Variants in AFF4 observed in about 807,000 individuals in gnomAD.
The protein encoded by AFF4 is ALF transcription elongation factor 4.
In AFF4, 13 loss-of-function variants were observed where a neutral mutation model predicts 124.8. The ratio of observed to expected loss-of-function variants is 0.10; its 90% CI spans 0.07 to 0.17. AFF4 has a LOEUF of 0.17. Ranked by LOEUF, AFF4 falls within the 10% of genes least tolerant of loss-of-function variation. The probability of loss-of-function intolerance (pLI) is 1.00; values close to 1 mark genes in which losing one functional copy is unlikely to be tolerated. For synonymous variants in AFF4, 477 were observed against 496.1 expected (o/e 0.96, Z 0.51); for missense variants, 1,092 against 1,403.8 (o/e 0.78, Z 3.55).
rs1433125453 is a variant in AFF4 at position 132,880,831 on chromosome 5, C to CA, written c.*227dup. The CA allele has an allele frequency of 2.8e-5, 11 of 386,092 alleles. No individual in the cohort carries two copies. The highest frequency in any genetic ancestry group is 4.5e-5 in the Non-Finnish European group (10 of 222,020). The allele number at this position is 386,092 out of a possible 1,614,324, so 23.9% of individuals were successfully genotyped here. On this transcript the variant is annotated 3_prime_UTR_variant, in exon 21 of 21. Coordinates refer to ENST00000265343, the MANE Select transcript of AFF4 (RefSeq NM_014423.4). ...TCATAGCTCACGGAAACCATCTTAT[C>CA]AATGTGCTGCAGATTTAAAAGCATT... is the stretch of plus-strand genomic sequence containing the variant.
At chr5:132,899,685 C>T (rs754340952) in intron 7 of AFF4, 44 bp from the exon 8 acceptor site, 35 of 1,525,994 alleles carry the variant, frequency 2.3e-5, no homozygotes, top group Non-Finnish European at 3.1e-5. Flanking sequence ...GAACAGTTTA[C>T]ATGGTATGCC....
At chr5:132,926,281 T>C (rs776186389) in intron 5 of AFF4, 4 of 436,430 alleles carry the variant, frequency 9.2e-6, no homozygotes, top group Admixed American at 7.3e-5. Flanking sequence ...TTAGGGGGAC[T>C]GGTAAAACTT....
chr5:132,882,163 T>C (rs1348782124), intron 20 of AFF4, among the ~76,000 whole-genome samples: 1 of 148,350 alleles, frequency 6.7e-6, no homozygotes, highest in Non-Finnish European at 1.5e-5. Context: ...CAGTGAACTG[T>C]GACTGTGCCA....
rs1222482774 is a variant in AFF4 at position 132,876,683 on chromosome 5, CAT to C, written c.*4374_*4375del. On this transcript the variant is annotated 3_prime_UTR_variant, in exon 21 of 21. Transcript: ENST00000265343. Reference sequence around the variant, plus strand: ...GACCAAATTACATGAAAAGAAGATACATAGTTATTATTTCCATTCCCTTTTCT... The same window carrying C: ...GACCAAATTACATGAAAAGAAGATACAGTTATTATTTCCATTCCCTTTTCT... 1 of 197,830 alleles carries C rather than the reference CAT, an allele frequency of 5.1e-6. No individual in the cohort carries two copies. Among genetic ancestry groups the C allele is most frequent in the African/African-American group, 2.3e-5 (1 of 43,320 alleles). The allele number at this position is 197,830 out of a possible 1,614,324, so 12.3% of individuals were successfully genotyped here.
intron 1 of AFF4, among the ~76,000 whole-genome samples, chr5:132,950,476 TAAATA>T: frequency 8.8e-6 from 1 of 113,790 alleles, no homozygotes; most frequent in Middle Eastern, 4.6e-3. Flanking sequence ...TCCATCTCAA[TAAATA>T]AATAAATAAA....
chr5:132,935,806 C>T (rs544045236), intron 2 of AFF4, among the ~76,000 whole-genome samples: 2 of 151,688 alleles, frequency 1.3e-5, no homozygotes, highest in African/African-American at 4.8e-5. Context: ...GCCTGTAATC[C>T]CAGCTACTCG....
At chr5:132,958,379 T>C (rs1038952056) in intron 1 of AFF4, among the ~76,000 whole-genome samples, 1 of 149,070 alleles carries the variant, frequency 6.7e-6, no homozygotes, top group Non-Finnish European at 1.5e-5. Flanking sequence ...GTTATGAAAA[T>C]TGCTTGAGCC....
At chr5:132,904,550 T>C (rs1428178211) in intron 5 of AFF4, 146 bp from the exon 6 acceptor site, 6 of 675,962 alleles carry the variant, frequency 8.9e-6, no homozygotes, top group South Asian at 6.2e-5. Flanking sequence ...CTTGGCAATT[T>C]TGGGATCAAT....
intron 1 of AFF4, among the ~76,000 whole-genome samples, chr5:132,958,465 C>CAAAAAAAAAA (rs34337170): frequency 2.3e-4 from 13 of 55,708 alleles, no homozygotes; most frequent in African/African-American, 1.1e-3. Flanking sequence ...GACCCTGTCT[C>CAAAAAAAAAA]AAAAAAAAAA....
chr5:132,959,641 T>G (rs1386771845), intron 1 of AFF4, among the ~76,000 whole-genome samples: 1 of 151,660 alleles, frequency 6.6e-6, no homozygotes, highest in Non-Finnish European at 1.5e-5. Context: ...GCAGATGATG[T>G]GCCAAAACTC....
intron 19 of AFF4, among the ~76,000 whole-genome samples, chr5:132,884,316 CA>C (rs1760060059): frequency 6.6e-6 from 1 of 152,182 alleles, no homozygotes; most frequent in Admixed American, 6.5e-5. Context: ...CGACTTACTG[CA>C]ACCTCCACGC....
intron 1 of AFF4, among the ~76,000 whole-genome samples, chr5:132,951,035 G>A (rs1343324262): frequency 6.6e-6 from 1 of 152,106 alleles, no homozygotes. Context: ...GACCAGCCTG[G>A]CCAACATGGC....
At chr5:132,903,484 G>T (rs754169440) in intron 6 of AFF4, among the ~76,000 whole-genome samples, 9 of 152,128 alleles carry the variant, frequency 5.9e-5, no homozygotes, top group Non-Finnish European at 1.2e-4. Flanking sequence ...TGTTACAGAG[G>T]TATACGGTAA....
chr5:132,908,104 GTT>G (rs1297678933), intron 5 of AFF4, among the ~76,000 whole-genome samples: 5 of 151,492 alleles, frequency 3.3e-5, no homozygotes, highest in Non-Finnish European at 5.9e-5. Flanking sequence ...GCTTAAACAA[GTT>G]TGTCTTCCAG....
rs1366967609 is a variant in AFF4, at chr5:132,934,222, G to A, written c.843C>T (p.Gly281=). 6.2e-7 allele frequency: 1 copy of A among 1,614,164 alleles called. No homozygotes were observed. The highest frequency in any genetic ancestry group is 8.5e-7 in the Non-Finnish European group (1 of 1,180,030). ...TGGGCTTCAGCTCAGTCATGCTGTT[G>A]CCATGGGATTGGCTGCTGTAGTGCT... ...SSEHYSSQSH[G]NSMTELKPSS... Residue 281 remains glycine (G), a synonymous_variant, in exon 3 of 21, where the codon GGC becomes GGT. Coordinates refer to ENST00000265343, the MANE Select transcript of AFF4 (RefSeq NM_014423.4).
chr5:132,906,965 T>A (rs759258499), intron 5 of AFF4, among the ~76,000 whole-genome samples: 2 of 152,088 alleles, frequency 1.3e-5, no homozygotes, highest in Non-Finnish European at 2.9e-5. Context: ...AAAATGAAGA[T>A]TCCTTTACCC....
intron 2 of AFF4, among the ~76,000 whole-genome samples, chr5:132,935,530 G>A (rs1761404580): frequency 1.3e-5 from 2 of 152,124 alleles, no homozygotes; most frequent in Admixed American, 6.5e-5. Flanking sequence ...CAGCACTTTG[G>A]GAGGCCAAGG....
intron 4 of AFF4, 52 bp from the exon 5 acceptor site, chr5:132,927,259 A>C (rs772539629): frequency 3.9e-6 from 6 of 1,520,192 alleles, no homozygotes; most frequent in Non-Finnish European, 5.4e-6. Flanking sequence ...GATAAAAATT[A>C]TACAGCTAAA....
intron 7 of AFF4, among the ~76,000 whole-genome samples, chr5:132,901,296 G>T (rs905611499): frequency 6.6e-6 from 1 of 152,240 alleles, no homozygotes; most frequent in South Asian, 2.1e-4. Flanking sequence ...GTATATATAT[G>T]GTAAGACCAC....
Sources: allele counts gnomAD v4.1 joint callset (sites outside exome capture counted in the v4.1 genomes callset), GRCh38; gene constraint gnomAD v4.1.1; transcripts MANE v1.5; gene names NCBI Gene and HGNC (gene_info 2026-07-23, HGNC 2026-07-21).